The following GPC3 variants were observed in gnomAD, a reference collection of about 807,000 sequenced individuals.
The protein encoded by GPC3 is glypican-3.
GPC3 carries 3 observed loss-of-function variants against 34.4 expected under a neutral mutation model. The observed-to-expected ratio is 0.09, with a 90% CI of 0.04 to 0.23. The LOEUF is 0.23. Ranked by LOEUF, GPC3 falls within the 10% of genes least tolerant of loss-of-function variation. The probability of loss-of-function intolerance (pLI) is 1.00; values close to 1 mark genes in which losing one functional copy is unlikely to be tolerated. For synonymous variants in GPC3, 177 were observed against 174.0 expected (o/e 1.02, Z -0.13); for missense variants, 351 against 445.6 (o/e 0.79, Z 1.91).
chrX:133,883,554 G>A (rs2076050833), intron 2 of GPC3, among the ~76,000 whole-genome samples: 1 of 111,866 alleles, frequency 8.9e-6, no homozygotes, highest in African/African-American at 3.2e-5. Flanking sequence ...ATAGAATATG[G>A]GAACTTAAGT....
chrX:133,913,332 A>G (rs2076209694), intron 2 of GPC3, among the ~76,000 whole-genome samples: 1 of 112,422 alleles, frequency 8.9e-6, no homozygotes, highest in Non-Finnish European at 1.9e-5. Flanking sequence ...CATGGAGAAG[A>G]AAGGGATGAG....
At chrX:133,698,161 G>A (rs961520754) in intron 4 of GPC3, among the ~76,000 whole-genome samples, 1 of 111,946 alleles carries the variant, frequency 8.9e-6, no homozygotes, top group Non-Finnish European at 1.9e-5. Context: ...GTATCATAAG[G>A]GAAGCAGTGA....
At chrX:133,602,352 T>C (rs1475024110) in intron 6 of GPC3, among the ~76,000 whole-genome samples, 1 of 111,426 alleles carries the variant, frequency 9.0e-6, no homozygotes, top group African/African-American at 3.3e-5. Flanking sequence ...AGGGTCCCCA[T>C]ACTGCAGGAG....
Position 133,750,644 on chromosome X carries a change from C to T in GPC3, c.1032+2838G>A, listed in dbSNP as rs146764064. Among the ~76,000 whole-genome samples, 4 of 112,214 alleles carry T rather than the reference C, an allele frequency of 3.6e-5. No individual in the cohort carries two copies. The East Asian group carries it at 1.1e-3, about 32-fold the overall frequency. On this transcript the variant is annotated intron_variant, in intron 3 of 7. Transcript: ENST00000370818. ...TATTTCTTGGGTAGTTTTGAATATC[C>T]AGCACCTAGCAAAGTGCCATACACA... is the stretch of plus-strand genomic sequence containing the variant.
intron 2 of GPC3, among the ~76,000 whole-genome samples, chrX:133,796,189 C>A (rs1257523228): frequency 9.0e-6 from 1 of 111,187 alleles, no homozygotes; most frequent in East Asian, 2.8e-4. Context: ...TCGTGATCTG[C>A]CCGCCTTGGC....
At chrX:133,660,325 T>G (rs1028415503) in intron 6 of GPC3, among the ~76,000 whole-genome samples, 5 of 112,519 alleles carry the variant, frequency 4.4e-5, no homozygotes, top group Non-Finnish European at 9.4e-5. Context: ...ATTAAGTTCT[T>G]CCTAAACTAC....
At chrX:133,844,661 T>C (rs781764841) in intron 2 of GPC3, among the ~76,000 whole-genome samples, 1 of 111,577 alleles carries the variant, frequency 9.0e-6, no homozygotes, top group South Asian at 3.8e-4. Context: ...CCAGAACTTA[T>C]TCTTCACATT....
chrX:133,816,220 TA>T lies in GPC3; in HGVS notation c.338-62045del, dbSNP rs1387291658. On this transcript the variant is annotated intron_variant, in intron 2 of 7. Coordinates refer to ENST00000370818, the MANE Select transcript of GPC3 (RefSeq NM_004484.4). ...TGAACGTGCCACCATGCCTGGCTAG[TA>T]AAAAAAACATTTTTATAAAGACCAG... Among the ~76,000 whole-genome samples, 7 of 110,236 alleles carry T rather than the reference TA, an allele frequency of 6.4e-5. No homozygotes were observed. The South Asian group carries it at 2.0e-3, about 32-fold the overall frequency.
intron 6 of GPC3, among the ~76,000 whole-genome samples, chrX:133,636,419 C>T (rs940346046): frequency 1.8e-5 from 2 of 112,435 alleles, no homozygotes; most frequent in South Asian, 3.7e-4. Flanking sequence ...GTAATCCCAA[C>T]GCTTTGGGAG....
chrX:133,959,349 C>T (rs185809354), intron 1 of GPC3, among the ~76,000 whole-genome samples: 270 of 112,512 alleles, frequency 2.4e-3, no homozygotes, highest in African/African-American at 8.3e-3. Flanking sequence ...TTGGAGACCC[C>T]ATTCCAGGCC....
intron 2 of GPC3, among the ~76,000 whole-genome samples, chrX:133,844,259 T>C (rs1418883215): frequency 8.9e-6 from 1 of 112,407 alleles, no homozygotes; most frequent in East Asian, 2.8e-4. Context: ...ACTTGAAATT[T>C]GCTAAGAGAG....
chrX:133,963,548 T>C (rs942744304), intron 1 of GPC3, among the ~76,000 whole-genome samples: 2 of 112,152 alleles, frequency 1.8e-5, no homozygotes, highest in African/African-American at 3.2e-5. Flanking sequence ...TTTCCCTAGC[T>C]TCAGCTATTA....
intron 6 of GPC3, among the ~76,000 whole-genome samples, chrX:133,659,461 C>T (rs774638175): frequency 2.7e-5 from 3 of 111,996 alleles, no homozygotes; most frequent in Admixed American, 1.9e-4. Flanking sequence ...TCAAACCCTA[C>T]TCATTGCTTA....
chrX:133,919,691 G>A (rs2076239157), intron 2 of GPC3, among the ~76,000 whole-genome samples: 1 of 110,121 alleles, frequency 9.1e-6, no homozygotes, highest in African/African-American at 3.3e-5. Flanking sequence ...CCAAGCATAG[G>A]TGGCTTGCCC....
chrX:133,769,952 C>T (rs182729202), intron 2 of GPC3, among the ~76,000 whole-genome samples: 134 of 112,460 alleles, frequency 1.2e-3, no homozygotes, highest in Non-Finnish European at 2.1e-3. Context: ...AGCAGTGACT[C>T]AGCCACAAGA....
intron 2 of GPC3, among the ~76,000 whole-genome samples, chrX:133,756,679 A>G (rs1418511801): frequency 8.9e-6 from 1 of 112,904 alleles, no homozygotes; most frequent in East Asian, 2.8e-4. Flanking sequence ...AAATTATAAA[A>G]GATCATGAAC....
intron 3 of GPC3, among the ~76,000 whole-genome samples, chrX:133,713,827 T>C (rs1946717825): frequency 8.9e-6 from 1 of 111,972 alleles, no homozygotes; most frequent in Non-Finnish European, 1.9e-5. Flanking sequence ...CTTGACAGCT[T>C]CCCAATACCT....
intron 2 of GPC3, among the ~76,000 whole-genome samples, chrX:133,867,812 A>C (rs1209050914): frequency 1.9e-5 from 2 of 106,936 alleles, no homozygotes; most frequent in East Asian, 6.0e-4. Flanking sequence ...GGAGACAAGC[A>C]GATGAATGGC....
intron 7 of GPC3, among the ~76,000 whole-genome samples, chrX:133,550,743 TAGG>T (rs924537965): frequency 2.7e-5 from 3 of 111,680 alleles, no homozygotes; most frequent in African/African-American, 9.8e-5. Context: ...ATGATTTCCT[TAGG>T]AGAAGGAGCC....
Sources: allele counts gnomAD v4.1 joint callset (sites outside exome capture counted in the v4.1 genomes callset), GRCh38; gene constraint gnomAD v4.1.1; transcripts MANE v1.5; gene names NCBI Gene and HGNC (gene_info 2026-07-23, HGNC 2026-07-21).